The following SCHIP1 variants were observed in gnomAD, a reference collection of about 807,000 sequenced individuals.
SCHIP1 encodes the protein schwannomin interacting protein 1.
In SCHIP1, 8 loss-of-function variants were observed where a neutral mutation model predicts 29.7. That is an observed-to-expected ratio of 0.27 (90% CI 0.16 to 0.49). The LOEUF (loss-of-function observed/expected upper bound fraction) is 0.49. SCHIP1 is among the 20% of genes least tolerant of loss of function. The pLI, the probability that SCHIP1 is intolerant of heterozygous loss-of-function variation, is 0.99. For synonymous variants in SCHIP1, 76 were observed against 94.9 expected (o/e 0.80, Z 1.16); for missense variants, 193 against 294.6 (o/e 0.66, Z 2.52).
the SCHIP1 span, among the ~76,000 whole-genome samples, chr3:159,637,272 CAT>C: frequency 1.3e-5 from 2 of 152,060 alleles, no homozygotes; most frequent in African/African-American, 4.8e-5. Flanking sequence ...AACAATCTGT[CAT>C]TTTGGAACTC....
chr3:159,443,534 G>A, the SCHIP1 span, among the ~76,000 whole-genome samples: 153 of 152,048 alleles, frequency 1.0e-3, no homozygotes, highest in Non-Finnish European at 1.6e-3. Flanking sequence ...TTTTGAGACG[G>A]AGTCTTGCTC....
At chr3:159,382,084 A>C in the SCHIP1 span, among the ~76,000 whole-genome samples, 2 of 149,804 alleles carry the variant, frequency 1.3e-5, no homozygotes, top group Non-Finnish European at 3.0e-5. Flanking sequence ...TCACATAGCC[A>C]CACTTACTTT....
the SCHIP1 span, among the ~76,000 whole-genome samples, chr3:159,811,847 A>G: frequency 3.3e-5 from 5 of 152,192 alleles, no homozygotes; most frequent in African/African-American, 2.4e-5. Flanking sequence ...TATAGGAATT[A>G]TGTTGAATCT....
the SCHIP1 span, among the ~76,000 whole-genome samples, chr3:159,294,586 T>A: frequency 6.6e-6 from 1 of 152,198 alleles, no homozygotes; most frequent in Admixed American, 6.5e-5. Flanking sequence ...TGCAGACAAT[T>A]GAAATGCAGA....
the SCHIP1 span, among the ~76,000 whole-genome samples, chr3:159,423,250 G>A: frequency 3.9e-5 from 6 of 152,344 alleles, no homozygotes; most frequent in East Asian, 1.9e-4. Flanking sequence ...GAAGCAGGGC[G>A]AGGCATTGCC....
At chr3:159,388,995 A>G in the SCHIP1 span, among the ~76,000 whole-genome samples, 13 of 152,088 alleles carry the variant, frequency 8.5e-5, no homozygotes, top group Admixed American at 6.6e-4. Flanking sequence ...CTTTCGTAAG[A>G]CACCATACAA....
At chr3:159,698,520 G>A in the SCHIP1 span, among the ~76,000 whole-genome samples, 21 of 152,194 alleles carry the variant, frequency 1.4e-4, no homozygotes, top group Non-Finnish European at 2.6e-4. Context: ...AGGCAGACAT[G>A]GGTTCGCATT....
At chr3:159,498,078 A>G in the SCHIP1 span, among the ~76,000 whole-genome samples, 10 of 152,346 alleles carry the variant, frequency 6.6e-5, no homozygotes, top group East Asian at 1.9e-3. Context: ...TATACATTCA[A>G]ATTACACAGA....
chr3:159,658,001 G>A, the SCHIP1 span, among the ~76,000 whole-genome samples: 10 of 152,352 alleles, frequency 6.6e-5, no homozygotes, highest in Admixed American at 1.3e-4. Flanking sequence ...ATTGATGTCC[G>A]GCAAATGTTC....
the SCHIP1 span, among the ~76,000 whole-genome samples, chr3:159,514,507 C>T: frequency 6.6e-6 from 1 of 152,196 alleles, no homozygotes; most frequent in African/African-American, 2.4e-5. Context: ...ACTGTCCTAC[C>T]ATATTGAATG....
the SCHIP1 span, among the ~76,000 whole-genome samples, chr3:159,549,277 C>T: frequency 4.5e-4 from 69 of 152,174 alleles, no homozygotes; most frequent in African/African-American, 1.6e-3. Context: ...TCCTTAACTC[C>T]GTTCTCTGAT....
At chr3:159,757,571 G>A in the SCHIP1 span, among the ~76,000 whole-genome samples, 13 of 152,168 alleles carry the variant, frequency 8.5e-5, no homozygotes, top group African/African-American at 1.4e-4. Context: ...CCCTGTCACC[G>A]GTGGTGACCC....
At chr3:159,656,400 C>T in the SCHIP1 span, among the ~76,000 whole-genome samples, 118 of 152,278 alleles carry the variant, frequency 7.7e-4, 1 homozygote, top group African/African-American at 2.8e-3. Flanking sequence ...CTTCTTGCTG[C>T]CCCCACAACC....
the SCHIP1 span, among the ~76,000 whole-genome samples, chr3:159,615,448 G>A: frequency 1.1e-4 from 16 of 152,218 alleles, no homozygotes; most frequent in Admixed American, 2.0e-4. Flanking sequence ...AGACTGTTTC[G>A]TTAGAGTGAA....
chr3:159,604,463 C>A, the SCHIP1 span, among the ~76,000 whole-genome samples: 1 of 152,132 alleles, frequency 6.6e-6, no homozygotes, highest in Non-Finnish European at 1.5e-5. Flanking sequence ...ACAGTGAGAT[C>A]GCTCACTTAA....
chr3:159,760,338 A>C, the SCHIP1 span, among the ~76,000 whole-genome samples: 1 of 152,176 alleles, frequency 6.6e-6, no homozygotes, highest in African/African-American at 2.4e-5. Flanking sequence ...AAGTAGCTGC[A>C]AGGAGACCCT....
chr3:159,449,789 G>C, the SCHIP1 span, among the ~76,000 whole-genome samples: 1 of 152,046 alleles, frequency 6.6e-6, no homozygotes, highest in Non-Finnish European at 1.5e-5. Flanking sequence ...TCTTTAAACA[G>C]GTTGAACTTC....
chr3:159,764,572 G>A, the SCHIP1 span: 3 of 1,605,814 alleles, frequency 1.9e-6, no homozygotes, highest in Non-Finnish European at 2.5e-6. This position sits in a 1 kb window ranked among gnomAD's most constrained non-coding sequence, Gnocchi z 6.1. Context: ...ATCGTCGCCG[G>A]GGGGCAGCCT....
the SCHIP1 span, among the ~76,000 whole-genome samples, chr3:159,408,835 G>A: frequency 6.6e-6 from 1 of 152,018 alleles, no homozygotes; most frequent in Non-Finnish European, 1.5e-5. Context: ...ACACATCAAA[G>A]AAAGAAAAAT....
Sources: allele counts gnomAD v4.1 joint callset (sites outside exome capture counted in the v4.1 genomes callset), GRCh38; gene constraint gnomAD v4.1.1; non-coding constraint Gnocchi (gnomAD v3.1); transcripts MANE v1.5; gene names NCBI Gene and HGNC (gene_info 2026-07-23, HGNC 2026-07-21).